The following KHDC1 variants were observed in gnomAD, a reference collection of about 807,000 sequenced individuals.
KHDC1 encodes the protein KH domain containing 1.
KHDC1 carries 21 observed loss-of-function variants against 24.7 expected under a neutral mutation model. The observed-to-expected ratio is 0.85, with a 90% CI of 0.60 to 1.23. The LOEUF is 1.23. Among genes scored for constraint, KHDC1 ranks in the 50% most tolerant of loss-of-function variants. The pLI, the probability that KHDC1 is intolerant of heterozygous loss-of-function variation, is 0.00. For missense variants in KHDC1, 274 were observed against 298.5 expected (o/e 0.92, Z 0.61); for synonymous variants, 98 against 111.7 (o/e 0.88, Z 0.77).
intron 1 of KHDC1, among the ~76,000 whole-genome samples, chr6:73,302,950 G>A (rs1001562218): frequency 1.1e-4 from 16 of 152,098 alleles, no homozygotes; most frequent in African/African-American, 3.1e-4. Context: ...GATGGCGCAC[G>A]CCTGTAATCC....
intron 1 of KHDC1, chr6:73,299,717 A>G: frequency 6.5e-6 from 1 of 153,052 alleles, no homozygotes. Flanking sequence ...CAGCCTCCCG[A>G]CCCTGCGGCT....
intron 2 of KHDC1, among the ~76,000 whole-genome samples, chr6:73,286,173 G>A (rs1446842961): frequency 6.6e-6 from 1 of 152,104 alleles, no homozygotes; most frequent in Non-Finnish European, 1.5e-5. Context: ...GTGTGTCAGG[G>A]AATAAGAGCT....
chr6:73,259,795 C>A (rs1252396492), intron 2 of KHDC1, among the ~76,000 whole-genome samples: 1 of 152,144 alleles, frequency 6.6e-6, no homozygotes, highest in African/African-American at 2.4e-5. Context: ...TGAATCTATT[C>A]ACCAGGGAGA....
At chr6:73,282,960 C>T (rs948291034) in intron 2 of KHDC1, among the ~76,000 whole-genome samples, 1 of 152,176 alleles carries the variant, frequency 6.6e-6, no homozygotes, top group African/African-American at 2.4e-5. Flanking sequence ...TATTACAATT[C>T]GCCTGTCTTT....
In KHDC1 at chr6:73,296,730, G is replaced by C. The variant is rs57297148; in HGVS notation, c.164-4690C>G. Among the ~76,000 whole-genome samples, 315 of 152,222 alleles carry C rather than the reference G, an allele frequency of 2.1e-3. 6 individuals are homozygous for C. In the East Asian group the frequency reaches 0.051, roughly 24 times the overall value. On this transcript the variant is annotated intron_variant, in intron 1 of 4. Coordinates refer to ENST00000370384, the Ensembl canonical transcript of KHDC1. ...TCCCAAGAGTTGGGGAGGAGGACTTGATTTCAGACTATCCAGTTTGCAAAT... is the reference window on the plus strand; with the variant it reads ...TCCCAAGAGTTGGGGAGGAGGACTTCATTTCAGACTATCCAGTTTGCAAAT...
At chr6:73,265,920 CTTTTTCTTT>C (rs1321039134) in intron 2 of KHDC1, among the ~76,000 whole-genome samples, 2 of 152,076 alleles carry the variant, frequency 1.3e-5, no homozygotes, top group Non-Finnish European at 2.9e-5. Context: ...GATCCCTTTT[CTTTTTCTTT>C]TTTTTGGGGG....
intron 2 of KHDC1, among the ~76,000 whole-genome samples, chr6:73,248,955 AAAG>A (rs1286329474): frequency 1.3e-5 from 2 of 151,614 alleles, no homozygotes; most frequent in Non-Finnish European, 2.9e-5. Flanking sequence ...AAAAAAAAAA[AAAG>A]AAAGAAAGAA....
At chr6:73,255,507 C>T (rs1299770437) in intron 2 of KHDC1, among the ~76,000 whole-genome samples, 2 of 148,556 alleles carry the variant, frequency 1.3e-5, no homozygotes, top group Admixed American at 1.3e-4. Flanking sequence ...TAGGCATGAG[C>T]CACCACACCT....
At chr6:73,302,161 C>G (rs1767888766) in intron 1 of KHDC1, among the ~76,000 whole-genome samples, 1 of 152,092 alleles carries the variant, frequency 6.6e-6, no homozygotes. Flanking sequence ...TGGTGGCACA[C>G]ACCTGTAATC....
chr6:73,308,854 C>T (rs1293043234), intron 1 of KHDC1, among the ~76,000 whole-genome samples: 1 of 152,006 alleles, frequency 6.6e-6, no homozygotes, highest in East Asian at 1.9e-4. Flanking sequence ...TTTCTTGAGA[C>T]GGAGTCTCGC....
chr6:73,251,519 C>T (rs1015137931), intron 2 of KHDC1, among the ~76,000 whole-genome samples: 3 of 152,102 alleles, frequency 2.0e-5, no homozygotes, highest in Non-Finnish European at 2.9e-5. Flanking sequence ...TAAACATGTA[C>T]CAGAAAAATA....
chr6:73,279,871 C>T (rs1767373384), intron 2 of KHDC1, among the ~76,000 whole-genome samples: 1 of 151,702 alleles, frequency 6.6e-6, no homozygotes, highest in Non-Finnish European at 1.5e-5. Flanking sequence ...CCACCTTGCC[C>T]GGCCAAGATG....
chr6:73,243,653 TC>T (rs1483926256), intron 2 of KHDC1, among the ~76,000 whole-genome samples: 2 of 152,204 alleles, frequency 1.3e-5, no homozygotes, highest in African/African-American at 4.8e-5. Flanking sequence ...GAACTAGATT[TC>T]AAAACCAGGC....
rs377490366 is a variant in KHDC1 at position 73,295,739 on chromosome 6, G to A, written c.164-3699C>T. 1.2e-3 allele frequency among the ~76,000 whole-genome samples: 178 copies of A among 152,090 alleles called. 1 individual carries two copies. The highest frequency in any genetic ancestry group is 4.1e-3 in the African/African-American group (169 of 41,476). On this transcript the variant is annotated intron_variant, in intron 1 of 4. Coordinates refer to ENST00000370384, the Ensembl canonical transcript of KHDC1. ...CACACACCTGTAGTCCCAGCTACTC[G>A]GGAGGTTGAGGCAGGAGAATCACTT... is the stretch of plus-strand genomic sequence containing the variant.
At position 73,292,154 on chromosome 6, in the gene KHDC1, G is replaced by A. The variant is rs1562258564; in HGVS notation, c.164-114C>T. ...TGCATACAAAAACCTTTATTCTGAT[G>A]ATATTCCTCATGCTTTGAAAGAGAA... is the stretch of plus-strand genomic sequence containing the variant. On this transcript the variant is annotated intron_variant, in intron 1 of 4. Coordinates refer to ENST00000370384, the Ensembl canonical transcript of KHDC1. 1.4e-5 allele frequency: 22 copies of A among 1,554,122 alleles called. No homozygotes were observed. The East Asian group carries it at 4.7e-4, about 33-fold the overall frequency.
At chr6:73,244,184 C>CT (rs1433184858) in intron 2 of KHDC1, among the ~76,000 whole-genome samples, 1 of 152,078 alleles carries the variant, frequency 6.6e-6, no homozygotes, top group Non-Finnish European at 1.5e-5. Flanking sequence ...CCATATTACG[C>CT]TAGATAAGTT....
chr6:73,262,574 T>C (rs1049660938), intron 2 of KHDC1, among the ~76,000 whole-genome samples, 200 bp downstream of exon 1: 1 of 150,852 alleles, frequency 6.6e-6, no homozygotes, highest in Non-Finnish European at 1.5e-5. Flanking sequence ...CCGTGTTTCT[T>C]TTCTTTCTAT....
At chr6:73,290,726 C>G in intron 2 of KHDC1, 3 of 382,614 alleles carry the variant, frequency 7.8e-6, no homozygotes, top group South Asian at 6.5e-5. Flanking sequence ...ACTTCTGGAA[C>G]CTTTGCTAAC....
intron 2 of KHDC1, among the ~76,000 whole-genome samples, chr6:73,261,810 G>T (rs1766985159): frequency 6.6e-6 from 1 of 151,922 alleles, no homozygotes; most frequent in African/African-American, 2.4e-5. Context: ...TACTCGGGAG[G>T]CTGAGGCAGG....
Sources: gnomAD v4.1 joint callset for allele counts (sites outside exome capture counted in the v4.1 genomes callset) on GRCh38, gnomAD v4.1.1 for gene constraint, MANE v1.5 for transcripts, NCBI Gene and HGNC (gene_info 2026-07-23, HGNC 2026-07-21) for gene names.